PLCE1: variants seen among roughly 807,000 people sequenced by gnomAD.
PLCE1 encodes the protein phospholipase C epsilon 1, also known as 1-phosphatidylinositol 4,5-bisphosphate phosphodiesterase epsilon-1.
Under a neutral mutation model 242.8 loss-of-function variants are expected in PLCE1, and 119 were observed. The observed-to-expected ratio is 0.49, with a 90% CI of 0.42 to 0.57. The LOEUF is 0.57. PLCE1 is among the 20% of genes least tolerant of loss of function. The pLI is 0.00. For missense variants in PLCE1, 2,441 were observed against 2,788.8 expected (o/e 0.88, Z 2.81); for synonymous variants, 945 against 1,017.4 (o/e 0.93, Z 1.35).
chr10:94,014,420 A>G (rs953228161), intron 1 of PLCE1, among the ~76,000 whole-genome samples: 1 of 147,952 alleles, frequency 6.8e-6, no homozygotes, highest in Non-Finnish European at 1.5e-5. Context: ...CCTGAGCAAC[A>G]TAGAGAAATC....
chr10:94,067,271 G>T (rs939256850), intron 2 of PLCE1, among the ~76,000 whole-genome samples: 3 of 152,224 alleles, frequency 2.0e-5, no homozygotes, highest in African/African-American at 7.2e-5. Flanking sequence ...AGAGATTTGG[G>T]TACCCTGTTT....
chr10:94,181,399 C>T (rs1053930320), intron 4 of PLCE1, among the ~76,000 whole-genome samples: 3 of 151,750 alleles, frequency 2.0e-5, no homozygotes, highest in Non-Finnish European at 4.4e-5. Context: ...GGTGAAACCC[C>T]GTCTCTACTA....
chr10:94,255,612 A>G (rs982166185), intron 11 of PLCE1, among the ~76,000 whole-genome samples: 3 of 152,224 alleles, frequency 2.0e-5, no homozygotes, highest in African/African-American at 7.2e-5. Context: ...TAAGTTATGC[A>G]TGTCTAGAGG....
chr10:94,236,976 G>C (rs913007435), intron 7 of PLCE1, among the ~76,000 whole-genome samples: 1 of 152,094 alleles, frequency 6.6e-6, no homozygotes, highest in Admixed American at 6.6e-5. Context: ...ATAAGAATAT[G>C]AGAAAATAAA....
rs72217756 is a variant in PLCE1 at position 94,262,001 on chromosome 10, CT to C, written c.3815-476del. ...ATCAACCTAGCTCTGTCTTCTTTTCCTTTTTTTTTTTTTTTTTGAGACAGAC... is the reference window on the plus strand; with the variant it reads ...ATCAACCTAGCTCTGTCTTCTTTTCCTTTTTTTTTTTTTTTTGAGACAGAC... On this transcript the variant is annotated intron_variant, in intron 13 of 32. Coordinates refer to ENST00000371380, the MANE Select transcript of PLCE1 (RefSeq NM_016341.4). 6.2e-3 allele frequency among the ~76,000 whole-genome samples: 834 copies of C among 135,192 alleles called. 1 individual carries two copies. The highest frequency in any genetic ancestry group is 9.4e-3 in the African/African-American group (342 of 36,214). 88.7% of individuals were successfully genotyped at this position (135,192 alleles called of 152,430 possible). A position where few individuals can be genotyped will look rare whatever the true frequency, so the allele number is the denominator to read the frequency against.
At chr10:94,240,660 T>C (rs1459942886) in intron 7 of PLCE1, among the ~76,000 whole-genome samples, 1 of 151,910 alleles carries the variant, frequency 6.6e-6, no homozygotes, top group Non-Finnish European at 1.5e-5. Flanking sequence ...ACAAAGAAAA[T>C]ATTTAACCAG....
intron 28 of PLCE1, chr10:94,315,088 G>A: frequency 4.3e-6 from 1 of 233,722 alleles, no homozygotes; most frequent in Non-Finnish European, 8.5e-6. Context: ...GGGTGATGCT[G>A]GCCCTCTTGT....
intron 2 of PLCE1, among the ~76,000 whole-genome samples, chr10:94,115,964 G>A (rs1212293892): frequency 6.6e-6 from 1 of 152,162 alleles, no homozygotes; most frequent in Non-Finnish European, 1.5e-5. Flanking sequence ...ACAGGGATGA[G>A]TCACTGATTA....
intron 1 of PLCE1, among the ~76,000 whole-genome samples, chr10:94,013,684 T>G (rs2134293564): frequency 6.6e-6 from 1 of 152,356 alleles, no homozygotes; most frequent in Non-Finnish European, 1.5e-5. Context: ...GTTACTAGTG[T>G]GCAAATAAGT....
rs555880699 is a variant in PLCE1, at chr10:94,100,062, C to G, written c.1207-32112C>G. The G allele has an allele frequency of 6.6e-5, 10 of 152,312 alleles. No homozygotes were observed. The South Asian group carries it at 2.1e-3, about 32-fold the overall frequency. The allele number at this position is 152,312 out of a possible 1,614,324, so 9.4% of individuals were successfully genotyped here. ...GGGTGGGTCTCAGCACAACCTCTGT[C>G]TGGTTCTGTGGTCTCAGCAAGTTAC... On this transcript the variant is annotated intron_variant, in intron 2 of 32. Transcript: ENST00000371380.
chr10:94,235,952 A>C lies in PLCE1; in HGVS notation c.2252A>C (p.Gln751Pro). 6.2e-7 allele frequency: 1 copy of C among 1,614,072 alleles called. No homozygotes were observed. The highest frequency in any genetic ancestry group is 8.5e-7 in the Non-Finnish European group (1 of 1,179,974). Reference protein sequence around the residue: ...ADYSGQDNFLQRVGQNGLKNS... With the variant: ...ADYSGQDNFLPRVGQNGLKNS... Reference sequence around the variant, plus strand: ...TACAGTGGACAAGATAATTTCTTACAACGAGTGGGACAAAATGGCTTAAAG... The same window carrying C: ...TACAGTGGACAAGATAATTTCTTACCACGAGTGGGACAAAATGGCTTAAAG... Residue 751 changes from glutamine (Q) to proline (P), a missense_variant, in exon 7 of 33, where the codon CAA becomes CCA. This residue lies in a region of PLCE1 where 733 missense variants were observed against 754.2 expected (regional missense o/e 0.97). Coordinates refer to ENST00000371380, the MANE Select transcript of PLCE1 (RefSeq NM_016341.4).
At chr10:94,153,786 C>A (rs143935898) in intron 3 of PLCE1, among the ~76,000 whole-genome samples, 12 of 151,884 alleles carry the variant, frequency 7.9e-5, no homozygotes, top group Non-Finnish European at 1.3e-4. Flanking sequence ...AGTATGAAAA[C>A]GAAGCAAATA....
At chr10:94,033,530 T>C (rs1453620932) in intron 2 of PLCE1, among the ~76,000 whole-genome samples, 1 of 152,186 alleles carries the variant, frequency 6.6e-6, no homozygotes, top group East Asian at 1.9e-4. Flanking sequence ...TATTCAGAAT[T>C]AAAGGAAATG....
chr10:94,285,746 ACATT>A (rs1338122375), intron 22 of PLCE1, among the ~76,000 whole-genome samples: 1 of 152,108 alleles, frequency 6.6e-6, no homozygotes, highest in Non-Finnish European at 1.5e-5. Flanking sequence ...ATCCCATGTC[ACATT>A]CTCCACTCTG....
intron 4 of PLCE1, among the ~76,000 whole-genome samples, chr10:94,192,225 G>A (rs2048689808): frequency 6.6e-6 from 1 of 152,120 alleles, no homozygotes; most frequent in African/African-American, 2.4e-5. Flanking sequence ...GGATGTATGT[G>A]CAGGTTTGTT....
intron 25 of PLCE1, 99 bp downstream of exon 25, chr10:94,304,744 CA>C: frequency 8.8e-7 from 1 of 1,142,208 alleles, no homozygotes; most frequent in Non-Finnish European, 1.3e-6. Flanking sequence ...TGTCATGTCA[CA>C]ATTTGGGTCA....
intron 30 of PLCE1, among the ~76,000 whole-genome samples, chr10:94,322,752 G>A (rs905724212): frequency 9.9e-5 from 15 of 151,368 alleles, no homozygotes; most frequent in Admixed American, 5.3e-4. Context: ...GCCATTGCGC[G>A]TCAGCCTGGG....
chr10:94,305,238 T>C (rs961113004), intron 25 of PLCE1, among the ~76,000 whole-genome samples: 1 of 152,110 alleles, frequency 6.6e-6, no homozygotes, highest in Non-Finnish European at 1.5e-5. Flanking sequence ...GAGACCAGCC[T>C]GGGCAACATG....
At chr10:94,120,029 A>G (rs1257958425) in intron 2 of PLCE1, among the ~76,000 whole-genome samples, 1 of 152,122 alleles carries the variant, frequency 6.6e-6, no homozygotes, top group Non-Finnish European at 1.5e-5. Flanking sequence ...GGTCCTAGCT[A>G]TTGCTTAGGA....
Sources: allele counts gnomAD v4.1 joint callset (sites outside exome capture counted in the v4.1 genomes callset), GRCh38; gene constraint gnomAD v4.1.1; regional missense constraint gnomAD v4.1.1; transcripts MANE v1.5; gene names NCBI Gene and HGNC (gene_info 2026-07-23, HGNC 2026-07-21).